The following PRKCE variants were observed in gnomAD, a reference collection of about 807,000 sequenced individuals.
PRKCE encodes protein kinase C epsilon type.
PRKCE carries 16 observed loss-of-function variants against 85.4 expected under a neutral mutation model. The observed-to-expected ratio is 0.19, with a 90% CI of 0.13 to 0.28. The LOEUF (loss-of-function observed/expected upper bound fraction) is 0.28, where lower values mean the gene tolerates loss of function less well. PRKCE is among the 10% of genes least tolerant of loss of function. The pLI is 1.00. For missense variants in PRKCE, 573 were observed against 975.2 expected (o/e 0.59, Z 5.49); for synonymous variants, 388 against 371.5 (o/e 1.04, Z -0.51).
intron 1 of PRKCE, among the ~76,000 whole-genome samples, chr2:45,834,751 G>C (rs1335292864): frequency 6.6e-6 from 1 of 152,068 alleles, no homozygotes; most frequent in African/African-American, 2.4e-5. Flanking sequence ...ATCTTTTTCA[G>C]TCTTTTTTAG....
At chr2:45,823,761 G>A (rs1184448771) in intron 1 of PRKCE, among the ~76,000 whole-genome samples, 1 of 152,212 alleles carries the variant, frequency 6.6e-6, no homozygotes, top group Non-Finnish European at 1.5e-5. Flanking sequence ...GTTGTTCCCT[G>A]GGCCCAGTTC....
intron 10 of PRKCE, among the ~76,000 whole-genome samples, chr2:46,044,814 A>T (rs1296725943): frequency 6.6e-6 from 1 of 152,186 alleles, no homozygotes; most frequent in Non-Finnish European, 1.5e-5. Flanking sequence ...GGAGCTGTGG[A>T]TCCACTCTGT....
chr2:46,041,929 T>C lies in PRKCE; in HGVS notation c.1437+31412T>C, dbSNP rs1029125284. On this transcript the variant is annotated intron_variant, in intron 10 of 14. Coordinates refer to ENST00000306156, the MANE Select transcript of PRKCE (RefSeq NM_005400.3). This position sits in a 1 kb window ranked among gnomAD's most constrained non-coding sequence, Gnocchi z 5.5. ...GCAATTCTTTTCAGAGGTTAGCTTT[T>C]AGTTATCAAAATGGGTGATGTCTAT... Among the ~76,000 whole-genome samples, 1 of 152,192 alleles carries C rather than the reference T, an allele frequency of 6.6e-6. No homozygotes were observed. Among genetic ancestry groups the C allele is most frequent in the African/African-American group, 2.4e-5 (1 of 41,440 alleles).
At chr2:45,909,659 A>T (rs977614049) in intron 2 of PRKCE, among the ~76,000 whole-genome samples, 10 of 152,092 alleles carry the variant, frequency 6.6e-5, no homozygotes, top group African/African-American at 2.4e-4. Context: ...CTCATCCCCT[A>T]CCCCCATTCT....
At chr2:45,866,573 C>T (rs940401729) in intron 2 of PRKCE, among the ~76,000 whole-genome samples, 6 of 152,244 alleles carry the variant, frequency 3.9e-5, no homozygotes, top group African/African-American at 1.4e-4. Flanking sequence ...TACCAAAGTG[C>T]TGGAATTACA....
intron 2 of PRKCE, among the ~76,000 whole-genome samples, chr2:45,961,847 C>T (rs910175959): frequency 1.3e-5 from 2 of 152,150 alleles, no homozygotes; most frequent in South Asian, 4.1e-4. Flanking sequence ...AGGCATGTGC[C>T]GCGAAGCCCA....
intron 2 of PRKCE, among the ~76,000 whole-genome samples, chr2:45,900,556 A>G (rs1231439149): frequency 6.6e-6 from 1 of 152,236 alleles, no homozygotes; most frequent in Admixed American, 6.5e-5. Flanking sequence ...ATGAGGTCCT[A>G]GAATAGTCAA....
intron 10 of PRKCE, among the ~76,000 whole-genome samples, chr2:46,035,770 A>T (rs1364224885): frequency 6.6e-6 from 1 of 152,240 alleles, no homozygotes; most frequent in African/African-American, 2.4e-5. Flanking sequence ...GGAGGCAAAC[A>T]AGTTATAACA....
At chr2:45,745,799 A>C (rs1459158869) in intron 1 of PRKCE, among the ~76,000 whole-genome samples, 2 of 152,024 alleles carry the variant, frequency 1.3e-5, no homozygotes, top group Non-Finnish European at 2.9e-5. Context: ...GAAAGCAGAC[A>C]ATATCAGCGT....
intron 2 of PRKCE, among the ~76,000 whole-genome samples, chr2:45,863,718 G>T (rs1045310615): frequency 1.5e-4 from 23 of 152,056 alleles, no homozygotes; most frequent in African/African-American, 5.3e-4. Context: ...GCTCTTCCTG[G>T]CTCGGAATAC....
chr2:45,767,313 G>A (rs969906303), intron 1 of PRKCE, among the ~76,000 whole-genome samples: 2 of 152,160 alleles, frequency 1.3e-5, no homozygotes, highest in Non-Finnish European at 2.9e-5. Flanking sequence ...AATCTGCACA[G>A]CAATGGCTCC....
chr2:46,038,651 T>TCACA (rs3222422), intron 10 of PRKCE, among the ~76,000 whole-genome samples: 7,193 of 128,600 alleles, frequency 0.056, 221 homozygotes, highest in African/African-American at 0.082. Context: ...AGTAACAACT[T>TCACA]CACACACACA....
chr2:45,782,225 C>G (rs939274150), intron 1 of PRKCE, among the ~76,000 whole-genome samples: 20 of 152,140 alleles, frequency 1.3e-4, no homozygotes, highest in African/African-American at 4.1e-4. Flanking sequence ...CTCGTCCAGG[C>G]CCATCTTCCG....
At chr2:46,080,544 A>G (rs951239238) in intron 10 of PRKCE, among the ~76,000 whole-genome samples, 1 of 152,214 alleles carries the variant, frequency 6.6e-6, no homozygotes, top group Non-Finnish European at 1.5e-5. Flanking sequence ...GAACTCAGGC[A>G]TTTGACGCAG....
intron 1 of PRKCE, among the ~76,000 whole-genome samples, chr2:45,762,420 G>C (rs1684581173): frequency 6.6e-6 from 1 of 152,192 alleles, no homozygotes; most frequent in African/African-American, 2.4e-5. Flanking sequence ...TGTCACTTGG[G>C]AATGGGATGG....
rs571680408 is a variant in PRKCE at position 45,723,274 on chromosome 2, T to C, written c.348+70826T>C. ...TAGAAAATGCCGTGACTCCTCCCTG[T>C]TAAAATATGCAAGGGAGGAGGAGAG... On this transcript the variant is annotated intron_variant, in intron 1 of 14. Transcript: ENST00000306156. 5.9e-5 allele frequency among the ~76,000 whole-genome samples: 9 copies of C among 152,282 alleles called. No homozygotes were observed. In the South Asian group the frequency reaches 1.9e-3, roughly 32 times the overall value.
At chr2:45,992,260 C>T (rs1305076731) in intron 6 of PRKCE, among the ~76,000 whole-genome samples, 2 of 152,128 alleles carry the variant, frequency 1.3e-5, no homozygotes, top group South Asian at 2.1e-4. Context: ...CCCCTGTACA[C>T]GTGGCAGATT....
chr2:45,940,993 G>A (rs1306884272), intron 2 of PRKCE, among the ~76,000 whole-genome samples: 1 of 149,024 alleles, frequency 6.7e-6, no homozygotes, highest in African/African-American at 2.5e-5. Flanking sequence ...TTGAGCCTGG[G>A]AGGTGGAGAT....
chr2:45,832,763 C>T (rs1690540776), intron 1 of PRKCE, among the ~76,000 whole-genome samples: 1 of 152,134 alleles, frequency 6.6e-6, no homozygotes, highest in Non-Finnish European at 1.5e-5. Flanking sequence ...ACTTGGAGAA[C>T]CCGGCTTTAA....
Sources: allele counts gnomAD v4.1 joint callset (sites outside exome capture counted in the v4.1 genomes callset), GRCh38; gene constraint gnomAD v4.1.1; non-coding constraint Gnocchi (gnomAD v3.1); transcripts MANE v1.5; gene names NCBI Gene and HGNC (gene_info 2026-07-23, HGNC 2026-07-21).